Variants in GABBR2 observed in about 807,000 individuals in gnomAD.
GABBR2 encodes the protein G-protein coupled receptor 51.
GABBR2 carries 23 observed loss-of-function variants against 105.6 expected under a neutral mutation model. That is an observed-to-expected ratio of 0.22 (90% CI 0.16 to 0.31). The LOEUF (loss-of-function observed/expected upper bound fraction) is 0.31, where lower values mean the gene tolerates loss of function less well. GABBR2 is among the 10% of genes least tolerant of loss of function. The pLI is 1.00. For missense variants in GABBR2, 734 were observed against 1,245.5 expected (o/e 0.59, Z 6.18); for synonymous variants, 478 against 499.7 (o/e 0.96, Z 0.58).
chr9:98,571,915 A>T (rs1828838299), intron 2 of GABBR2, among the ~76,000 whole-genome samples: 1 of 152,218 alleles, frequency 6.6e-6, no homozygotes, highest in Non-Finnish European at 1.5e-5. Context: ...AATCTATCAA[A>T]GACAGCCATG....
At chr9:98,624,728 G>A (rs1407044763) in intron 1 of GABBR2, among the ~76,000 whole-genome samples, 3 of 152,184 alleles carry the variant, frequency 2.0e-5, no homozygotes, top group Non-Finnish European at 2.9e-5. Flanking sequence ...CACAGGATGC[G>A]GAGGAAGCTG....
At chr9:98,404,007 C>T (rs1832445934) in intron 8 of GABBR2, among the ~76,000 whole-genome samples, 1 of 151,712 alleles carries the variant, frequency 6.6e-6, no homozygotes, top group Non-Finnish European at 1.5e-5. Flanking sequence ...TACTGCCTTC[C>T]TTATAAATCC....
intron 2 of GABBR2, among the ~76,000 whole-genome samples, chr9:98,557,446 G>A (rs1380546633): frequency 6.6e-6 from 1 of 152,190 alleles, no homozygotes; most frequent in Admixed American, 6.5e-5. Flanking sequence ...GGGAAAACCA[G>A]GGTCCATGTG....
chr9:98,480,639 C>T (rs1826898966), intron 5 of GABBR2, among the ~76,000 whole-genome samples: 1 of 152,172 alleles, frequency 6.6e-6, no homozygotes, highest in Non-Finnish European at 1.5e-5. Context: ...TTCAGCCTCA[C>T]CCTGATTTCT....
At chr9:98,335,030 A>T (rs1831088868) in intron 13 of GABBR2, among the ~76,000 whole-genome samples, 1 of 152,134 alleles carries the variant, frequency 6.6e-6, no homozygotes, top group African/African-American at 2.4e-5. Flanking sequence ...GAGCACTTAG[A>T]AACAAACCTG....
At chr9:98,506,077 T>G (rs1358424422) in intron 3 of GABBR2, among the ~76,000 whole-genome samples, 2 of 152,124 alleles carry the variant, frequency 1.3e-5, no homozygotes, top group Non-Finnish European at 2.9e-5. Context: ...CCCAAAGATA[T>G]ATGGTATTTC....
intron 1 of GABBR2, among the ~76,000 whole-genome samples, chr9:98,662,745 C>G (rs1830280968): frequency 6.6e-6 from 1 of 152,220 alleles, no homozygotes; most frequent in Admixed American, 6.5e-5. Flanking sequence ...CTCCCTAACA[C>G]AGGCTAGGGT....
chr9:98,515,083 C>T (rs1827731583), intron 3 of GABBR2, among the ~76,000 whole-genome samples: 1 of 152,152 alleles, frequency 6.6e-6, no homozygotes, highest in Admixed American at 6.5e-5. Context: ...GAAGGATGGA[C>T]CCTTCCCCAG....
At chr9:98,530,735 G>T (rs1045541261) in intron 3 of GABBR2, among the ~76,000 whole-genome samples, 1 of 152,100 alleles carries the variant, frequency 6.6e-6, no homozygotes, top group Non-Finnish European at 1.5e-5. Flanking sequence ...AGTGAGCTAC[G>T]ACTGCACCAC....
At chr9:98,708,335 A>C in intron 1 of GABBR2, 82 bp downstream of exon 1, 1 of 1,279,530 alleles carries the variant, frequency 7.8e-7, no homozygotes. Context: ...GGATCTGACC[A>C]AAGGCCGGAG....
intron 14 of GABBR2, among the ~76,000 whole-genome samples, chr9:98,307,049 G>T (rs1830562870): frequency 6.6e-6 from 1 of 152,214 alleles, no homozygotes; most frequent in South Asian, 2.1e-4. Context: ...ACAAGGCTAT[G>T]ACGTGGAACC....
At chr9:98,543,463 C>T (rs1317628905) in intron 2 of GABBR2, among the ~76,000 whole-genome samples, 1 of 152,018 alleles carries the variant, frequency 6.6e-6, no homozygotes, top group Non-Finnish European at 1.5e-5. Flanking sequence ...CTCCTGGGTT[C>T]CAGCGATCCC....
chr9:98,417,915 G>A (rs1832716173), intron 7 of GABBR2, among the ~76,000 whole-genome samples: 1 of 152,130 alleles, frequency 6.6e-6, no homozygotes, highest in South Asian at 2.1e-4. Flanking sequence ...AGGGAACAGT[G>A]CATGCAAAGC....
intron 7 of GABBR2, among the ~76,000 whole-genome samples, chr9:98,406,342 G>T (rs1015902381): frequency 6.6e-6 from 1 of 152,220 alleles, no homozygotes; most frequent in South Asian, 2.1e-4. Flanking sequence ...TTAATTTGAG[G>T]AGAACAAAAT....
chr9:98,379,214 T>C (rs772877645), intron 11 of GABBR2, among the ~76,000 whole-genome samples: 4 of 152,196 alleles, frequency 2.6e-5, no homozygotes, highest in Non-Finnish European at 5.9e-5. Flanking sequence ...AGGCCAGAAG[T>C]TGCCATGGGT....
intron 1 of GABBR2, among the ~76,000 whole-genome samples, chr9:98,670,087 A>G (rs918118431): frequency 5.3e-5 from 8 of 152,198 alleles, no homozygotes; most frequent in Admixed American, 1.3e-4. Context: ...GGGCCAGCCG[A>G]AGGACTGTGG....
chr9:98,619,996 G>A (rs1173885492), intron 1 of GABBR2, among the ~76,000 whole-genome samples: 17 of 152,118 alleles, frequency 1.1e-4, no homozygotes, highest in Non-Finnish European at 1.5e-5. Context: ...TTGGGTCATT[G>A]GCAAAATGGA....
intron 3 of GABBR2, among the ~76,000 whole-genome samples, chr9:98,515,004 G>T (rs1333297643): frequency 2.0e-5 from 3 of 152,100 alleles, no homozygotes; most frequent in African/African-American, 7.2e-5. Context: ...GTTCCAGTGG[G>T]GGAGGCCACC....
intron 13 of GABBR2, among the ~76,000 whole-genome samples, chr9:98,316,579 C>A (rs549629313): frequency 6.6e-6 from 1 of 152,326 alleles, no homozygotes; most frequent in South Asian, 2.1e-4. Flanking sequence ...TCTGGGCATG[C>A]AGCAATAACC....
Sources: allele counts gnomAD v4.1 joint callset (sites outside exome capture counted in the v4.1 genomes callset), GRCh38; gene constraint gnomAD v4.1.1; transcripts MANE v1.5; gene names NCBI Gene and HGNC (gene_info 2026-07-23, HGNC 2026-07-21).